Variants in YDJC observed in about 807,000 individuals in gnomAD.
YDJC encodes the protein carbohydrate deacetylase.
YDJC carries 23 observed loss-of-function variants against 18.9 expected under a neutral mutation model. The observed-to-expected ratio is 1.22, with a 90% CI of 0.87 to 1.72. The LOEUF is 1.72. YDJC is among the 40% of genes most tolerant of loss of function. YDJC has a pLI of 0.00. For missense variants in YDJC, 467 were observed against 470.8 expected (o/e 0.99, Z 0.07); for synonymous variants, 224 against 217.6 (o/e 1.03, Z -0.26).
chr22:21,629,926 A>C lies in YDJC; in HGVS notation c.89T>G (p.Leu30Arg), dbSNP rs1293228565. Residue 30 changes from leucine to arginine, a missense_variant, in exon 1 of 5, where the codon CTG becomes CGG. Coordinates refer to ENST00000292778, the MANE Select transcript of YDJC (RefSeq NM_001017964.2). ...GGACACGCTGGTCACAGCCCCGGCC[A>C]GAAAGGCCTCCACGATACCCTCATC... is the stretch of plus-strand genomic sequence containing the variant. Reference protein sequence around the residue: ...RRDEGIVEAFLAGAVTSVSLL... With the variant: ...RRDEGIVEAFRAGAVTSVSLL... The C allele has an allele frequency of 6.2e-7, 1 of 1,604,268 alleles. No homozygotes were observed. Among genetic ancestry groups the C allele is most frequent in the East Asian group, 2.3e-5 (1 of 44,434 alleles).
Position 21,628,564 on chromosome 22 carries a change from C to A in YDJC, c.826G>T (p.Val276Phe). ...CSWERLHELR[V>F]LTAPTLRAQL... ...GCCCGCAGCGTGGGCGCGGTGAGGA[C>A]GCGCAGCTCATGCAGCCGCTCCCAA... is the stretch of plus-strand genomic sequence containing the variant. Residue 276 changes from valine to phenylalanine, a missense_variant, in exon 5 of 5, where the codon GTC becomes TTC. Coordinates refer to ENST00000292778, the MANE Select transcript of YDJC (RefSeq NM_001017964.2). 1 of 1,610,348 alleles carries A rather than the reference C, an allele frequency of 6.2e-7. No homozygotes were observed. Among genetic ancestry groups the A allele is most frequent in the African/African-American group, 1.3e-5 (1 of 75,022 alleles).
rs551376406 is a variant in YDJC at position 21,628,349 on chromosome 22, G to A, written c.*69C>T. On this transcript the variant is annotated 3_prime_UTR_variant, in exon 5 of 5. Coordinates refer to ENST00000292778, the MANE Select transcript of YDJC (RefSeq NM_001017964.2). The stretch of plus-strand genomic sequence containing the variant: ...TGCTCCAGGTCCCAGCTCTGGGCTG[G>A]GCCAGGACTAAATCCTGGCTCCCCT... 25 of 1,475,390 alleles carry A rather than the reference G, an allele frequency of 1.7e-5. No individual in the cohort carries two copies. Among genetic ancestry groups the A allele is most frequent in the Non-Finnish European group, 2.2e-5 (24 of 1,107,972 alleles). 91.4% of individuals were successfully genotyped at this position (1,475,390 alleles called of 1,614,324 possible). A position where few individuals can be genotyped will look rare whatever the true frequency, so the allele number is the denominator to read the frequency against.
rs763560544 is a variant in YDJC, at chr22:21,629,732, T to C, written c.194A>G (p.Asn65Ser). 1.2e-5 allele frequency: 19 copies of C among 1,555,952 alleles called. 1 individual carries two copies. In the South Asian group the frequency reaches 1.5e-4, roughly 12 times the overall value. Residue 65 changes from asparagine (N) to serine (S), a missense_variant, in exon 2 of 5, where the codon AAC becomes AGC. Coordinates refer to ENST00000292778, the MANE Select transcript of YDJC (RefSeq NM_001017964.2). ...RHSIPTGLHA[N>S]LSEGRPVGPA... is the part of the protein sequence containing the mutation. ...ACCCACGGGGCGGCCCTCGGACAGGTTGGCGTGGAGGCCCGTGGGGATGCT... is the reference window on the plus strand; with the variant it reads ...ACCCACGGGGCGGCCCTCGGACAGGCTGGCGTGGAGGCCCGTGGGGATGCT...
At chr22:21,628,823 C>T (rs528772655) in intron 4 of YDJC, 36 bp from the exon 5 acceptor site, 6 of 1,173,134 alleles carry the variant, frequency 5.1e-6, no homozygotes, top group South Asian at 4.7e-5. Context: ...GGGACCAGGC[C>T]GGGCCATGGC....
In YDJC at chr22:21,629,924, C is replaced by T. The variant is rs755239350; in HGVS notation, c.91G>A (p.Ala31Thr). The T allele has an allele frequency of 3.7e-6, 6 of 1,603,738 alleles. No individual in the cohort carries two copies. The South Asian group carries it at 5.6e-5, about 15-fold the overall frequency. ...AGGGACACGCTGGTCACAGCCCCGG[C>T]CAGAAAGGCCTCCACGATACCCTCA... ...RDEGIVEAFL[A>T]GAVTSVSLLV... Residue 31 changes from alanine (A) to threonine (T), a missense_variant, in exon 1 of 5, where the codon GCC (alanine) becomes ACC (threonine). Ala to Thr is a moderately conservative substitution (Grantham distance 58). Coordinates refer to ENST00000292778, the MANE Select transcript of YDJC (RefSeq NM_001017964.2).
At position 21,629,918 on chromosome 22, in the gene YDJC, C is replaced by A; in HGVS notation, c.97G>T (p.Ala33Ser). Residue 33 changes from alanine to serine, a missense_variant, in exon 1 of 5, where the codon GCT becomes TCT. Physicochemically the swap from Ala to Ser is moderately conservative, Grantham distance 99. Coordinates refer to ENST00000292778, the MANE Select transcript of YDJC (RefSeq NM_001017964.2). Reference sequence around the variant, plus strand: ...ACCAGCAGGGACACGCTGGTCACAGCCCCGGCCAGAAAGGCCTCCACGATA... The same window carrying A: ...ACCAGCAGGGACACGCTGGTCACAGACCCGGCCAGAAAGGCCTCCACGATA... ...EGIVEAFLAG[A>S]VTSVSLLVNG... is the part of the protein sequence containing the mutation. 1.9e-6 allele frequency: 3 copies of A among 1,601,418 alleles called. No homozygotes were observed. The highest frequency in any genetic ancestry group is 2.5e-6 in the Non-Finnish European group (3 of 1,177,210).
Position 21,629,930 on chromosome 22 carries a change from A to G in YDJC, c.85T>C (p.Phe29Leu), listed in dbSNP as rs1230619367. ...PRRDEGIVEA[F>L]LAGAVTSVSL... ...ACGCTGGTCACAGCCCCGGCCAGAAAGGCCTCCACGATACCCTCATCGCGT... is the reference window on the plus strand; with the variant it reads ...ACGCTGGTCACAGCCCCGGCCAGAAGGGCCTCCACGATACCCTCATCGCGT... Residue 29 changes from phenylalanine to leucine, a missense_variant, in exon 1 of 5, where the codon TTT (phenylalanine) becomes CTT (leucine). Transcript: ENST00000292778. 3.1e-6 allele frequency: 5 copies of G among 1,604,556 alleles called. No individual in the cohort carries two copies. Among genetic ancestry groups the G allele is most frequent in the East Asian group, 4.5e-5 (2 of 44,454 alleles).
At position 21,629,204 on chromosome 22, in the gene YDJC, TCAGGGAGGAGCAC is replaced by T; in HGVS notation, c.425-30_425-18del. The T allele has an allele frequency of 6.5e-7, 1 of 1,545,112 alleles. No homozygotes were observed. The highest frequency in any genetic ancestry group is 8.7e-7 in the Non-Finnish European group (1 of 1,146,082). On this transcript the variant is annotated intron_variant, in intron 3 of 4. Transcript: ENST00000292778. ...GGCACACGCCTGCGGGCGGAGCGGG[TCAGGGAGGAGCAC>T]GTCCTTTCACCTGGGGGCATCGAAC...
chr22:21,628,919 C>T (rs1478593204), intron 4 of YDJC, 91 bp downstream of exon 4: 15 of 1,427,520 alleles, frequency 1.1e-5, no homozygotes, highest in African/African-American at 5.8e-5. Context: ...GACTCGCTTC[C>T]GGGTTGAGAA....
rs1163441402 is a variant in YDJC at position 21,629,625 on chromosome 22, C to T, written c.301G>A (p.Ala101Thr). Reference protein sequence around the residue: ...GKMGFREAVAAGDVDLPQVRE... With the variant: ...GKMGFREAVATGDVDLPQVRE... ...ACCTGAGGCAAATCCACGTCTCCGG[C>T]CGCCACCGCCTCCCGGAATCCCATC... The change falls in exon 2 of 5, where the codon GCC (alanine) becomes ACC (threonine). Residue 101 changes from alanine (A) to threonine (T), a missense_variant. Ala to Thr is a moderately conservative substitution (Grantham distance 58). Coordinates refer to ENST00000292778, the MANE Select transcript of YDJC (RefSeq NM_001017964.2). The T allele has an allele frequency of 5.0e-6, 8 of 1,612,556 alleles. No individual in the cohort carries two copies. Among genetic ancestry groups the T allele is most frequent in the Non-Finnish European group, 5.9e-6 (7 of 1,179,930 alleles).
chr22:21,629,160 A>T lies in YDJC; in HGVS notation c.452T>A (p.Leu151Gln). 1 of 1,541,464 alleles carries T rather than the reference A, an allele frequency of 6.5e-7. No homozygotes were observed. ...CGTAAAGCGCACCCCATAGGCCTGCAGCGCCTCGGCGAACACCTGGCACAC... is the reference window on the plus strand; with the variant it reads ...CGTAAAGCGCACCCCATAGGCCTGCTGCGCCTCGGCGAACACCTGGCACAC... The part of the protein sequence containing the change: ...PGVCQVFAEA[L>Q]QAYGVRFTRL... Residue 151 changes from leucine to glutamine, a missense_variant, in exon 4 of 5, where the codon CTG (leucine) becomes CAG (glutamine). Leu to Gln is a moderately radical substitution (Grantham distance 113). Coordinates refer to ENST00000292778, the MANE Select transcript of YDJC (RefSeq NM_001017964.2).
In YDJC at chr22:21,629,004, C is replaced by T; in HGVS notation, c.602+6G>A. ...CTATGGTAGGAGACGGGGCGGGGAGCCTCACCGCAGGCCGTGGCGGGAGAA... is the reference window on the plus strand; with the variant it reads ...CTATGGTAGGAGACGGGGCGGGGAGTCTCACCGCAGGCCGTGGCGGGAGAA... On this transcript the variant is annotated splice_donor_region_variant and intron_variant, in intron 4 of 4. Transcript: ENST00000292778. 1.4e-6 allele frequency: 2 copies of T among 1,461,364 alleles called. No individual in the cohort carries two copies. Among genetic ancestry groups the T allele is most frequent in the Non-Finnish European group, 1.8e-6 (2 of 1,116,202 alleles). 90.5% of individuals were successfully genotyped at this position (1,461,364 alleles called of 1,614,324 possible).
rs1930321204 is a variant in YDJC, at chr22:21,628,337, A to T, written c.*81T>A. 3 of 1,455,662 alleles carry T rather than the reference A, an allele frequency of 2.1e-6. No homozygotes were observed. The South Asian group carries it at 4.6e-5, about 22-fold the overall frequency. The allele number at this position is 1,455,662 out of a possible 1,614,324, so 90.2% of individuals were successfully genotyped here. On this transcript the variant is annotated 3_prime_UTR_variant, in exon 5 of 5. Transcript: ENST00000292778. ...GTCAACAGATCGTGCTCCAGGTCCCAGCTCTGGGCTGGGCCAGGACTAAAT... is the reference window on the plus strand; with the variant it reads ...GTCAACAGATCGTGCTCCAGGTCCCTGCTCTGGGCTGGGCCAGGACTAAAT...
intron 4 of YDJC, 42 bp from the exon 5 acceptor site, chr22:21,628,829 A>T: frequency 8.4e-7 from 1 of 1,187,296 alleles, no homozygotes; most frequent in South Asian, 1.5e-5. Context: ...AGGCCGGGCC[A>T]TGGCCAAGGG....
At chr22:21,629,252 T>TC in intron 3 of YDJC, 56 bp downstream of exon 3, 3 of 1,549,368 alleles carry the variant, frequency 1.9e-6, no homozygotes, top group South Asian at 1.2e-5. Context: ...CTTCCCCTAC[T>TC]CCCCCAGCCC....
rs545579352 is a variant in YDJC, at chr22:21,629,294, C to T, written c.424+14G>A. ...GGAGTAACGCCCTCCAAACTGGGAT[C>T]ACTAACCACGCACCTGGGAGCACGT... On this transcript the variant is annotated intron_variant, in intron 3 of 4. Coordinates refer to ENST00000292778, the MANE Select transcript of YDJC (RefSeq NM_001017964.2). The T allele has an allele frequency of 1.3e-6, 2 of 1,550,500 alleles. No homozygotes were observed. The highest frequency in any genetic ancestry group is 4.9e-5 in the East Asian group (2 of 41,006).
In YDJC at chr22:21,629,943, A is replaced by G; in HGVS notation, c.72T>C (p.Gly24=). Residue 24 remains glycine, a synonymous_variant, in exon 1 of 5, where the codon GGT becomes GGC. Coordinates refer to ENST00000292778, the MANE Select transcript of YDJC (RefSeq NM_001017964.2). ...DFGYCPRRDE[G]IVEAFLAGAV... is the part of the protein sequence containing the mutation. ...CCCCGGCCAGAAAGGCCTCCACGAT[A>G]CCCTCATCGCGTCGCGGGCAGTAAC... 1 of 1,605,028 alleles carries G rather than the reference A, an allele frequency of 6.2e-7. No individual in the cohort carries two copies. Among genetic ancestry groups the G allele is most frequent in the Non-Finnish European group, 8.5e-7 (1 of 1,178,430 alleles).
rs199859720 is a variant in YDJC at position 21,628,622 on chromosome 22, G to C, written c.768C>G (p.Gly256=). The C allele has an allele frequency of 6.3e-7, 1 of 1,591,170 alleles. No homozygotes were observed. The highest frequency in any genetic ancestry group is 8.5e-7 in the Non-Finnish European group (1 of 1,169,830). The change falls in exon 5 of 5, where the codon GGC becomes GGG. Residue 256 remains glycine (G), a synonymous_variant. Coordinates refer to ENST00000292778, the MANE Select transcript of YDJC (RefSeq NM_001017964.2). The stretch of plus-strand genomic sequence containing the variant: ...AGAAAGCGTCGGGGCCTTCACCGCA[G>C]CCGCCGGTGGGAGGCACACTGGGGT... ...PGYPSVPPTG[G]CGEGPDAFSC...
chr22:21,629,107 C>A lies in YDJC; in HGVS notation c.505G>T (p.Gly169Cys). The A allele has an allele frequency of 1.3e-6, 2 of 1,537,428 alleles. No individual in the cohort carries two copies. The highest frequency in any genetic ancestry group is 1.7e-6 in the Non-Finnish European group (2 of 1,146,232). Residue 169 changes from glycine to cysteine, a missense_variant, in exon 4 of 5, where the codon GGC becomes TGC. By Grantham distance (159) the Gly-to-Cys change is radical (BLOSUM62 -3). Transcript: ENST00000292778. ...GCGGGGGCCTCCAGCCAAGTGCAGC[C>A]ACCCACACCGCGCTCCAGCGGCAGT... ...TRLPLERGVG[G>C]CTWLEAPARA...
Sources: allele counts gnomAD v4.1 joint callset, GRCh38; gene constraint gnomAD v4.1.1; transcripts MANE v1.5; gene names NCBI Gene and HGNC (gene_info 2026-07-23, HGNC 2026-07-21).